KATNAL1: variants seen among roughly 807,000 people sequenced by gnomAD.
The protein encoded by KATNAL1 is katanin catalytic subunit A1 like 1, also known as katanin p60 ATPase-containing subunit A-like 1.
KATNAL1 carries 32 observed loss-of-function variants against 55.2 expected under a neutral mutation model. The observed-to-expected ratio is 0.58, with a 90% CI of 0.44 to 0.78. KATNAL1 has a LOEUF of 0.78. Ranked by LOEUF, KATNAL1 falls within the 30% of genes least tolerant of loss-of-function variation. KATNAL1 has a pLI of 0.00. For missense variants in KATNAL1, 466 were observed against 600.9 expected, an observed-to-expected ratio of 0.78 and a Z score of 2.35; for synonymous variants, 193 against 193.6, an observed-to-expected ratio of 1.00 and a Z score of 0.02.
At chr13:30,274,006 T>C (rs1277688851) in intron 3 of KATNAL1, among the ~76,000 whole-genome samples, 1 of 152,190 alleles carries the variant, frequency 6.6e-6, no homozygotes, top group Admixed American at 6.5e-5. Flanking sequence ...ACATGTCTAT[T>C]TCTGCATCCC....
chr13:30,239,168 G>A (rs891618963), intron 6 of KATNAL1, among the ~76,000 whole-genome samples: 8 of 152,182 alleles, frequency 5.3e-5, no homozygotes, highest in African/African-American at 1.7e-4. Flanking sequence ...CCAGCACTTC[G>A]GGAGACCAAG....
rs141144987 is a variant in KATNAL1 at position 30,291,075 on chromosome 13, T to C, written c.-14-7284A>G. Among the ~76,000 whole-genome samples the C allele has an allele frequency of 5.4e-4, 82 of 152,280 alleles. 1 individual carries two copies. The East Asian group carries it at 0.013, about 24-fold the overall frequency. Reference sequence around the variant, plus strand: ...TGCTCTCACCCCTTCTATTCCACATTAGAACTGAGGTTCTAACCAGTGCAA... The same window carrying C: ...TGCTCTCACCCCTTCTATTCCACATCAGAACTGAGGTTCTAACCAGTGCAA... On this transcript the variant is annotated intron_variant, in intron 1 of 10. Coordinates refer to ENST00000380615, the MANE Select transcript of KATNAL1 (RefSeq NM_032116.5).
chr13:30,261,303 G>C (rs1419804837), intron 3 of KATNAL1, among the ~76,000 whole-genome samples: 1 of 151,600 alleles, frequency 6.6e-6, no homozygotes. Flanking sequence ...GGAAGAAACT[G>C]CATCAACTAA....
At chr13:30,269,217 G>A (rs1473298948) in intron 3 of KATNAL1, among the ~76,000 whole-genome samples, 4 of 152,348 alleles carry the variant, frequency 2.6e-5, no homozygotes, top group South Asian at 2.1e-4. Context: ...GAGTGCCTGC[G>A]ATTGCAGGCG....
chr13:30,240,502 C>T lies in KATNAL1; in HGVS notation c.684G>A (p.Met228Ile), dbSNP rs150532193. 3.1e-6 allele frequency: 5 copies of T among 1,613,788 alleles called. No homozygotes were observed. Among genetic ancestry groups the T allele is most frequent in the Non-Finnish European group, 4.2e-6 (5 of 1,179,866 alleles). Reference protein sequence around the residue: ...KLLREAVVLPMWMPDFFKGIR... With the variant: ...KLLREAVVLPIWMPDFFKGIR... ...TCCCTTTGAAAAAGTCAGGCATCCA[C>T]ATTGGAAGAACAACAGCTTCCCTTA... Residue 228 changes from methionine to isoleucine, a missense_variant, in exon 6 of 11, where the codon ATG (methionine) becomes ATA (isoleucine). Met to Ile is a conservative substitution (Grantham distance 10, BLOSUM62 1). Coordinates refer to ENST00000380615, the MANE Select transcript of KATNAL1 (RefSeq NM_032116.5).
intron 9 of KATNAL1, among the ~76,000 whole-genome samples, chr13:30,221,504 A>C (rs1874851487): frequency 6.6e-6 from 1 of 152,262 alleles, no homozygotes; most frequent in Non-Finnish European, 1.5e-5. Context: ...GAAGAGAATT[A>C]AAAAGTAGCT....
Position 30,245,700 on chromosome 13 carries a change from G to T in KATNAL1, c.493-4614C>A, listed in dbSNP as rs192352318. Among the ~76,000 whole-genome samples, 11 of 152,274 alleles carry T rather than the reference G, an allele frequency of 7.2e-5. No homozygotes were observed. The East Asian group carries it at 1.3e-3, about 19-fold the overall frequency. The stretch of plus-strand genomic sequence containing the variant: ...CTCCTTAAGCTGATAAGCAACTTCA[G>T]CAAAGTCTCAGGATACAAAAATCAA... On this transcript the variant is annotated intron_variant, in intron 4 of 10. Coordinates refer to ENST00000380615, the MANE Select transcript of KATNAL1 (RefSeq NM_032116.5).
intron 1 of KATNAL1, among the ~76,000 whole-genome samples, chr13:30,287,002 A>G (rs1422939057): frequency 6.6e-6 from 1 of 152,166 alleles, no homozygotes; most frequent in Non-Finnish European, 1.5e-5. Context: ...AGGTATATTT[A>G]CCCAATGCTT....
rs1491397961 is a variant in KATNAL1 at position 30,274,952 on chromosome 13, CAG to C, written c.323+5109_323+5110del. ...ACACACACACACACACACACACACA[CAG>C]GAATATTATTCAACCTTAAGAGAAG... On this transcript the variant is annotated intron_variant, in intron 3 of 10. Transcript: ENST00000380615. 4.9e-3 allele frequency among the ~76,000 whole-genome samples: 712 copies of C among 144,542 alleles called. 6 individuals carry two copies. Among genetic ancestry groups the C allele is most frequent in the African/African-American group, 0.015 (570 of 37,668 alleles). 94.8% of individuals were successfully genotyped at this position (144,542 alleles called of 152,430 possible). A position where few individuals can be genotyped will look rare whatever the true frequency, so the allele number is the denominator to read the frequency against.
chr13:30,213,133 T>A (rs1290087980), intron 9 of KATNAL1, among the ~76,000 whole-genome samples: 1 of 152,180 alleles, frequency 6.6e-6, no homozygotes, highest in Non-Finnish European at 1.5e-5. Flanking sequence ...CATCAGAGAA[T>A]ACTACAAACA....
intron 1 of KATNAL1, among the ~76,000 whole-genome samples, chr13:30,300,974 T>C (rs938262359): frequency 6.6e-6 from 1 of 152,256 alleles, no homozygotes; most frequent in East Asian, 1.9e-4. Flanking sequence ...ACCATCACAG[T>C]AATTTCTGCT....
At chr13:30,236,722 G>A (rs565453980) in intron 6 of KATNAL1, among the ~76,000 whole-genome samples, 2 of 152,286 alleles carry the variant, frequency 1.3e-5, no homozygotes, top group South Asian at 2.1e-4. Flanking sequence ...AGCATGGCAT[G>A]CAGGGCTCTT....
At chr13:30,267,672 C>T (rs1279148835) in intron 3 of KATNAL1, among the ~76,000 whole-genome samples, 3 of 152,156 alleles carry the variant, frequency 2.0e-5, no homozygotes. Context: ...TGAAAACCTT[C>T]CCACAATAAA....
At chr13:30,216,650 C>T (rs960982038) in intron 9 of KATNAL1, among the ~76,000 whole-genome samples, 1 of 152,104 alleles carries the variant, frequency 6.6e-6, no homozygotes, top group African/African-American at 2.4e-5. Flanking sequence ...TGGTTTAGAG[C>T]CAAAGAAGTC....
intron 1 of KATNAL1, among the ~76,000 whole-genome samples, chr13:30,299,782 GGA>G (rs746602601): frequency 6.6e-6 from 1 of 152,160 alleles, no homozygotes; most frequent in Non-Finnish European, 1.5e-5. Context: ...ATACCTTCAA[GGA>G]GAGTTCTAGG....
rs1048803308 is a variant in KATNAL1, at chr13:30,227,642, A to G, written c.1013-96T>C. 16 of 1,378,140 alleles carry G rather than the reference A, an allele frequency of 1.2e-5. No individual in the cohort carries two copies. In the African/African-American group the frequency reaches 2.2e-4, roughly 19 times the overall value. The allele number at this position is 1,378,140 out of a possible 1,614,324, so 85.4% of individuals were successfully genotyped here. On this transcript the variant is annotated intron_variant, in intron 8 of 10. Transcript: ENST00000380615. ...TCTTTTAGCCAAAGTGGCAGAATCA[A>G]CGATAAAGAAAGTGCAGTCCTGACC...
chr13:30,264,035 T>A (rs1372267825), intron 3 of KATNAL1, among the ~76,000 whole-genome samples: 2 of 146,818 alleles, frequency 1.4e-5, no homozygotes, highest in Non-Finnish European at 3.0e-5. Context: ...GAGATATAGA[T>A]CAACGGAACA....
chr13:30,259,577 G>A (rs1422308967), intron 3 of KATNAL1, among the ~76,000 whole-genome samples: 1 of 152,192 alleles, frequency 6.6e-6, no homozygotes, highest in Admixed American at 6.5e-5. Flanking sequence ...GAGGGGTCAG[G>A]GAGTTCCCTT....
chr13:30,248,689 C>T (rs943187818), intron 4 of KATNAL1, among the ~76,000 whole-genome samples: 1 of 152,206 alleles, frequency 6.6e-6, no homozygotes, highest in Non-Finnish European at 1.5e-5. Context: ...CTTTGGGAGG[C>T]CAAGGCAGGT....
Sources: gnomAD v4.1 joint callset for allele counts (sites outside exome capture counted in the v4.1 genomes callset) on GRCh38, gnomAD v4.1.1 for gene constraint, MANE v1.5 for transcripts, NCBI Gene and HGNC (gene_info 2026-07-23, HGNC 2026-07-21) for gene names.